Variants in MAP2K4 observed in about 807,000 individuals in gnomAD.
MAP2K4 encodes mitogen-activated protein kinase kinase 4.
MAP2K4 carries 4 observed loss-of-function variants against 48.5 expected under a neutral mutation model. The ratio of observed to expected loss-of-function variants is 0.08; its 90% CI spans 0.04 to 0.19. MAP2K4 has a LOEUF of 0.19. Ranked by LOEUF, MAP2K4 falls within the 10% of genes least tolerant of loss-of-function variation. The pLI is 1.00. For synonymous variants in MAP2K4, 166 were observed against 173.1 expected (o/e 0.96, Z 0.32); for missense variants, 258 against 493.3 (o/e 0.52, Z 4.52).
At chr17:12,021,182 C>T (rs1180931344) in intron 1 of MAP2K4, 181 bp downstream of exon 1, 9 of 351,928 alleles carry the variant, frequency 2.6e-5, no homozygotes, top group African/African-American at 6.4e-5. Context: ...GGCTTGGATC[C>T]GGGCTCCGGC....
At chr17:12,050,481 A>G (rs1970104780) in intron 1 of MAP2K4, among the ~76,000 whole-genome samples, 1 of 152,186 alleles carries the variant, frequency 6.6e-6, no homozygotes, top group South Asian at 2.1e-4. Flanking sequence ...TTTGGAAACT[A>G]AATAATGCTG....
chr17:12,103,245 C>G (rs1247542331), intron 4 of MAP2K4, among the ~76,000 whole-genome samples: 2 of 149,820 alleles, frequency 1.3e-5, no homozygotes, highest in Admixed American at 1.3e-4. Flanking sequence ...TGGGGTCTCA[C>G]TTTGTTGACC....
At chr17:12,132,064 G>A (rs1973043886) in intron 9 of MAP2K4, among the ~76,000 whole-genome samples, 1 of 152,156 alleles carries the variant, frequency 6.6e-6, no homozygotes, top group Admixed American at 6.6e-5. Flanking sequence ...AATGACCACA[G>A]TTTAAAATAC....
chr17:12,111,766 C>G (rs565484964), intron 6 of MAP2K4, among the ~76,000 whole-genome samples: 2 of 152,210 alleles, frequency 1.3e-5, no homozygotes, highest in African/African-American at 4.8e-5. Context: ...CCTGATAACT[C>G]TCTTTAAACT....
chr17:12,113,438 C>T (rs1206068443), intron 7 of MAP2K4, 78 bp downstream of exon 7: 1 of 1,518,782 alleles, frequency 6.6e-7, no homozygotes, highest in Non-Finnish European at 8.9e-7. Context: ...GGCCATTAGT[C>T]ATACGGTTTT....
intron 1 of MAP2K4, among the ~76,000 whole-genome samples, chr17:12,024,407 C>T (rs1008113389): frequency 6.6e-6 from 1 of 152,132 alleles, no homozygotes; most frequent in Non-Finnish European, 1.5e-5. Flanking sequence ...GGAATAGCTG[C>T]TAATTTTGTT....
intron 3 of MAP2K4, among the ~76,000 whole-genome samples, chr17:12,089,178 C>T (rs1226591024): frequency 4.6e-5 from 7 of 152,152 alleles, no homozygotes. Context: ...TCCTAAAGTG[C>T]TGGGATTACA....
chr17:12,051,093 A>G (rs1404764468), intron 1 of MAP2K4, among the ~76,000 whole-genome samples: 1 of 152,176 alleles, frequency 6.6e-6, no homozygotes, highest in African/African-American at 2.4e-5. Flanking sequence ...CTGAGTGGGG[A>G]CAGGACTGCT....
chr17:12,063,338 AAC>A (rs1415489514), intron 2 of MAP2K4, among the ~76,000 whole-genome samples: 1 of 152,184 alleles, frequency 6.6e-6, no homozygotes, highest in Non-Finnish European at 1.5e-5. Context: ...CCAGTAGACA[AAC>A]ACACATGTAT....
Position 12,081,336 on chromosome 17 carries a change from G to C in MAP2K4, c.219-20G>C. 1 of 1,574,282 alleles carries C rather than the reference G, an allele frequency of 6.4e-7. No individual in the cohort carries two copies. Among genetic ancestry groups the C allele is most frequent in the Non-Finnish European group, 8.6e-7 (1 of 1,164,060 alleles). On this transcript the variant is annotated intron_variant, in intron 2 of 10. Coordinates refer to ENST00000353533, the MANE Select transcript of MAP2K4 (RefSeq NM_003010.4). The surrounding 1 kb of genome is among the most constrained non-coding windows in gnomAD (Gnocchi z 4.2). ...AACCTATTTAAAATGTGGAAAAATT[G>C]CTTCCCAATATTTTAACAGAGAGAG... is the stretch of plus-strand genomic sequence containing the variant.
intron 9 of MAP2K4, among the ~76,000 whole-genome samples, chr17:12,129,847 C>T (rs2086700120): frequency 2.0e-5 from 3 of 152,138 alleles, no homozygotes; most frequent in Admixed American, 1.3e-4. Context: ...TGTTTGTCTA[C>T]CTTTTTAATA....
rs2151548412 is a variant in MAP2K4 at position 12,081,091 on chromosome 17, A to G, written c.219-265A>G. Among the ~76,000 whole-genome samples, 1 of 152,354 alleles carries G rather than the reference A, an allele frequency of 6.6e-6. No individual in the cohort carries two copies. The highest frequency in any genetic ancestry group is 1.9e-4 in the East Asian group (1 of 5,186). Reference sequence around the variant, plus strand: ...CTGATCTGCAGAATTAGTTTAATCAATAAATGGGAATTTTTAAAAATCTTC... The same window carrying G: ...CTGATCTGCAGAATTAGTTTAATCAGTAAATGGGAATTTTTAAAAATCTTC... On this transcript the variant is annotated intron_variant, in intron 2 of 10. Coordinates refer to ENST00000353533, the MANE Select transcript of MAP2K4 (RefSeq NM_003010.4). The surrounding 1 kb of genome is among the most constrained non-coding windows in gnomAD (Gnocchi z 4.2).
At chr17:12,103,039 TAAA>T (rs555398450) in intron 4 of MAP2K4, among the ~76,000 whole-genome samples, 1 of 126,410 alleles carries the variant, frequency 7.9e-6, no homozygotes, top group Admixed American at 8.0e-5. Context: ...TTCTTATCTT[TAAA>T]AAAAAAAAAA....
intron 1 of MAP2K4, among the ~76,000 whole-genome samples, chr17:12,054,608 C>T (rs960144258): frequency 1.3e-5 from 2 of 152,084 alleles, no homozygotes; most frequent in Admixed American, 1.3e-4. Flanking sequence ...AGTATTTTCA[C>T]TTGCAAAAGT....
chr17:12,088,815 G>A (rs1028234335), intron 3 of MAP2K4, among the ~76,000 whole-genome samples: 11 of 150,838 alleles, frequency 7.3e-5, no homozygotes, highest in Admixed American at 2.6e-4. Context: ...ATCATAGGGA[G>A]CTTTTGATTT....
At chr17:12,021,081 C>T in intron 1 of MAP2K4, 80 bp downstream of exon 1, 1 of 860,812 alleles carries the variant, frequency 1.2e-6, no homozygotes. Flanking sequence ...AGCGGACGCC[C>T]CCGGACCCGG....
intron 1 of MAP2K4, among the ~76,000 whole-genome samples, chr17:12,031,231 T>C (rs2151509690): frequency 6.6e-6 from 1 of 152,352 alleles, no homozygotes; most frequent in African/African-American, 2.4e-5. Flanking sequence ...ACACTTTTCA[T>C]GTCAAAGTAG....
chr17:12,073,575 GC>G (rs1298303731), intron 2 of MAP2K4, among the ~76,000 whole-genome samples: 2 of 152,124 alleles, frequency 1.3e-5, no homozygotes, highest in Non-Finnish European at 2.9e-5. Flanking sequence ...GTAGAGTGCA[GC>G]CCAAGGATAA....
chr17:12,032,756 C>G (rs1313108717), intron 1 of MAP2K4, among the ~76,000 whole-genome samples: 1 of 152,030 alleles, frequency 6.6e-6, no homozygotes, highest in African/African-American at 2.4e-5. Flanking sequence ...TCTTCTGCCT[C>G]CCTCACCATC....
Sources: gnomAD v4.1 joint callset for allele counts (sites outside exome capture counted in the v4.1 genomes callset) on GRCh38, gnomAD v4.1.1 for gene constraint, Gnocchi (gnomAD v3.1) non-coding constraint, MANE v1.5 for transcripts, NCBI Gene and HGNC (gene_info 2026-07-23, HGNC 2026-07-21) for gene names.